PPFIA2: variants seen among roughly 807,000 people sequenced by gnomAD.
The protein encoded by PPFIA2 is PPFI scaffold protein A2, also known as liprin-alpha-2.
A neutral mutation model predicts 175.5 loss-of-function variants in PPFIA2; 46 were observed. The observed-to-expected ratio is 0.26, with a 90% CI of 0.21 to 0.34. The LOEUF (loss-of-function observed/expected upper bound fraction) is 0.34, where lower values mean the gene tolerates loss of function less well. PPFIA2 is among the 10% of genes least tolerant of loss of function. The pLI is 1.00. For missense variants in PPFIA2, 1,179 were observed against 1,506.1 expected (o/e 0.78, Z 3.60); for synonymous variants, 568 against 511.4 (o/e 1.11, Z -1.49).
chr12:81,339,180 G>T lies in PPFIA2; in HGVS notation c.2548C>A (p.Arg850=). The change falls in exon 21 of 33, where the codon CGA becomes AGA. Residue 850 remains arginine, a splice_region_variant and synonymous_variant. Coordinates refer to ENST00000549396, the MANE Select transcript of PPFIA2 (RefSeq NM_003625.5). ...AAAGTCTTAACACATGCATACTTAC[G>T]GAGCTGCCCAAGTCGAGCTTTTTCT... ...KKEKARLGQL[R]GFMETEAAAQ... The T allele has an allele frequency of 6.3e-7, 1 of 1,590,392 alleles. No individual in the cohort carries two copies. The highest frequency in any genetic ancestry group is 8.6e-7 in the Non-Finnish European group (1 of 1,168,970).
chr12:81,751,570 C>G (rs1210746996), intron 3 of PPFIA2, among the ~76,000 whole-genome samples: 1 of 146,088 alleles, frequency 6.8e-6, no homozygotes, highest in Admixed American at 6.9e-5. Flanking sequence ...CACACATATA[C>G]AGAGAGAGAG....
intron 27 of PPFIA2, among the ~76,000 whole-genome samples, chr12:81,278,312 G>A (rs1397081671): frequency 1.3e-5 from 2 of 152,160 alleles, no homozygotes; most frequent in African/African-American, 4.8e-5. Context: ...GGAGGCTGAG[G>A]TGGGTGGATC....
intron 4 of PPFIA2, among the ~76,000 whole-genome samples, chr12:81,589,761 A>G (rs1443340339): frequency 6.6e-6 from 1 of 151,966 alleles, no homozygotes; most frequent in African/African-American, 2.4e-5. Flanking sequence ...ACCTTTATGG[A>G]CCTTCATTTT....
intron 22 of PPFIA2, among the ~76,000 whole-genome samples, chr12:81,315,922 A>G (rs1175902910): frequency 6.6e-6 from 1 of 151,722 alleles, no homozygotes; most frequent in Non-Finnish European, 1.5e-5. Flanking sequence ...TTGACTTCAA[A>G]TAACTAAAAT....
At chr12:81,727,610 A>AT (rs1046697525) in intron 3 of PPFIA2, among the ~76,000 whole-genome samples, 16 of 151,354 alleles carry the variant, frequency 1.1e-4, no homozygotes, top group African/African-American at 3.9e-4. Context: ...CAGAATCTGC[A>AT]TTTTAACAAA....
chr12:81,658,061 G>A (rs2068068465), intron 4 of PPFIA2, among the ~76,000 whole-genome samples: 3 of 152,090 alleles, frequency 2.0e-5, no homozygotes, highest in Non-Finnish European at 4.4e-5. Flanking sequence ...CTGAGGTCAG[G>A]AGTTTGAGAC....
rs770669916 is a variant in PPFIA2, at chr12:81,676,877, C to T, written c.250-33G>A. 1.0e-5 allele frequency: 15 copies of T among 1,494,656 alleles called. No homozygotes were observed. The East Asian group carries it at 2.7e-4, about 27-fold the overall frequency. The allele number at this position is 1,494,656 out of a possible 1,614,324, so 92.6% of individuals were successfully genotyped here. A position where few individuals can be genotyped will look rare whatever the true frequency, so the allele number is the denominator to read the frequency against. ...GGGGAGAGGTGTTGATTGTAAAGTG[C>T]TACTCAACAGCATGAAGAATCCCCC... On this transcript the variant is annotated intron_variant, in intron 3 of 32. Transcript: ENST00000549396.
chr12:81,612,892 TTTC>T (rs768318300), intron 4 of PPFIA2, among the ~76,000 whole-genome samples: 5 of 152,206 alleles, frequency 3.3e-5, no homozygotes, highest in African/African-American at 7.2e-5. Flanking sequence ...CCGTATTTTA[TTTC>T]TTCTTATTTG....
intron 4 of PPFIA2, among the ~76,000 whole-genome samples, chr12:81,482,143 A>G (rs548924650): frequency 6.6e-6 from 1 of 152,294 alleles, no homozygotes; most frequent in South Asian, 2.1e-4. Context: ...AAAAAAGCTC[A>G]TCATCACTGT....
intron 7 of PPFIA2, among the ~76,000 whole-genome samples, chr12:81,411,092 G>A (rs973789977): frequency 7.9e-5 from 12 of 152,102 alleles, no homozygotes; most frequent in East Asian, 1.9e-4. Flanking sequence ...ACAATACAGA[G>A]TATGCAATAC....
intron 4 of PPFIA2, chr12:81,598,022 G>A (rs1199596058): frequency 2.2e-5 from 34 of 1,534,916 alleles, no homozygotes; most frequent in South Asian, 3.6e-5. Context: ...GTTCATATCC[G>A]AGAAAATCAT....
chr12:81,436,724 A>C (rs2144794903), intron 7 of PPFIA2, among the ~76,000 whole-genome samples: 1 of 152,306 alleles, frequency 6.6e-6, no homozygotes, highest in African/African-American at 2.4e-5. Flanking sequence ...TTTATTAAGA[A>C]GTTAAAGTTG....
chr12:81,314,173 A>G (rs1420471105), intron 22 of PPFIA2, among the ~76,000 whole-genome samples: 1 of 151,960 alleles, frequency 6.6e-6, no homozygotes, highest in East Asian at 1.9e-4. Flanking sequence ...GCAAAAGACA[A>G]AAATCTATAG....
chr12:81,535,711 G>A (rs915497025), intron 4 of PPFIA2, among the ~76,000 whole-genome samples: 4 of 151,440 alleles, frequency 2.6e-5, no homozygotes, highest in East Asian at 1.9e-4. Context: ...TTTATGACAC[G>A]TGTTACTTTA....
intron 3 of PPFIA2, among the ~76,000 whole-genome samples, chr12:81,734,637 C>A (rs2081341500): frequency 6.6e-6 from 1 of 151,734 alleles, no homozygotes; most frequent in South Asian, 2.1e-4. Context: ...GTGAAAACTT[C>A]TCTAGGTGAT....
chr12:81,337,706 T>A (rs1470953081), intron 21 of PPFIA2, among the ~76,000 whole-genome samples: 2 of 152,076 alleles, frequency 1.3e-5, no homozygotes, highest in African/African-American at 4.8e-5. Context: ...AATATATATG[T>A]TGAAATATAA....
chr12:81,618,320 C>T (rs1022866654), intron 4 of PPFIA2, among the ~76,000 whole-genome samples: 1 of 151,192 alleles, frequency 6.6e-6, no homozygotes, highest in Admixed American at 6.6e-5. Context: ...GTTTTATTAA[C>T]TGTTTCATTC....
At chr12:81,618,679 C>G (rs2061684965) in intron 4 of PPFIA2, among the ~76,000 whole-genome samples, 3 of 151,814 alleles carry the variant, frequency 2.0e-5, no homozygotes, top group South Asian at 2.1e-4. Context: ...CAGGCACCAG[C>G]CACCACGCCC....
intron 4 of PPFIA2, among the ~76,000 whole-genome samples, chr12:81,459,842 C>T (rs1346979842): frequency 6.6e-6 from 1 of 152,046 alleles, no homozygotes; most frequent in African/African-American, 2.4e-5. Flanking sequence ...TACCACCTTG[C>T]TCTCTAAATA....
Sources: allele counts gnomAD v4.1 joint callset (sites outside exome capture counted in the v4.1 genomes callset), GRCh38; gene constraint gnomAD v4.1.1; transcripts MANE v1.5; gene names NCBI Gene and HGNC (gene_info 2026-07-23, HGNC 2026-07-21).